Variants in SRFBP1 observed in about 807,000 individuals in gnomAD.
SRFBP1 encodes serum response factor binding protein 1, also known as serum response factor-binding protein 1.
Under a neutral mutation model 45.5 loss-of-function variants are expected in SRFBP1, and 47 were observed. The ratio of observed to expected loss-of-function variants is 1.03; its 90% CI spans 0.82 to 1.32. The LOEUF (loss-of-function observed/expected upper bound fraction) is 1.32. SRFBP1 is among the 40% of genes most tolerant of loss of function. SRFBP1 has a pLI of 0.00. For synonymous variants in SRFBP1, 203 were observed against 166.3 expected (o/e 1.22, Z -1.70); for missense variants, 621 against 484.6 (o/e 1.28, Z -2.64).
At chr5:122,008,816 A>T (rs546906096) in intron 4 of SRFBP1, among the ~76,000 whole-genome samples, 1 of 152,182 alleles carries the variant, frequency 6.6e-6, no homozygotes, top group African/African-American at 2.4e-5. Context: ...TTACTTGGTT[A>T]TGGAATATGG....
intron 7 of SRFBP1, among the ~76,000 whole-genome samples, chr5:122,026,055 T>A (rs113075218): frequency 0.25 from 38,718 of 152,028 alleles, 6,174 homozygotes; most frequent in African/African-American, 0.46. Context: ...ACGCCACTGC[T>A]CTCCATCCTG....
intron 1 of SRFBP1, among the ~76,000 whole-genome samples, chr5:121,963,264 G>A (rs763771057): frequency 1.3e-5 from 2 of 152,208 alleles, no homozygotes; most frequent in African/African-American, 2.4e-5. Context: ...CCAGATTAAC[G>A]AGTCAGGATT....
intron 1 of SRFBP1, among the ~76,000 whole-genome samples, chr5:121,973,706 A>G (rs915172451): frequency 6.6e-6 from 1 of 151,778 alleles, no homozygotes; most frequent in African/African-American, 2.4e-5. Flanking sequence ...ACTTGAAATA[A>G]TTTGTTACTA....
At chr5:122,021,903 C>T (rs114753004) in intron 6 of SRFBP1, among the ~76,000 whole-genome samples, 17,768 of 151,030 alleles carry the variant, frequency 0.12, 1,133 homozygotes, top group Non-Finnish European at 0.14. Flanking sequence ...ACCATATTGG[C>T]CCGGTTAGTG....
chr5:122,002,719 A>T (rs557180475), intron 4 of SRFBP1, among the ~76,000 whole-genome samples: 1 of 152,316 alleles, frequency 6.6e-6, no homozygotes, highest in South Asian at 2.1e-4. Flanking sequence ...ATTGAGAATT[A>T]TGTGAGAAAT....
intron 2 of SRFBP1, among the ~76,000 whole-genome samples, chr5:122,043,763 G>T (rs138823621): frequency 1.5e-4 from 23 of 152,228 alleles, no homozygotes; most frequent in African/African-American, 5.5e-4. Context: ...GACTTTGCAG[G>T]CCATAAGGTC....
At chr5:121,986,211 A>G (rs1260359066) in intron 3 of SRFBP1, among the ~76,000 whole-genome samples, 3 of 151,990 alleles carry the variant, frequency 2.0e-5, no homozygotes, top group African/African-American at 7.2e-5. Context: ...GAAGAAAGGA[A>G]GAATTAACTT....
intron 4 of SRFBP1, among the ~76,000 whole-genome samples, chr5:122,008,736 C>T (rs1446323498): frequency 6.6e-6 from 1 of 152,026 alleles, no homozygotes; most frequent in Non-Finnish European, 1.5e-5. Flanking sequence ...CCTGTTCTGC[C>T]ATCTTGCTGA....
chr5:122,077,754 C>T (rs1442708152), downstream of SRFBP1: 16 of 1,559,012 alleles, frequency 1.0e-5, no homozygotes, highest in Non-Finnish European at 1.4e-5. This position sits in a 1 kb window ranked among gnomAD's most constrained non-coding sequence, Gnocchi z 4.9. Context: ...TTGGCTGCAC[C>T]AGGGACGGCG....
chr5:122,067,879 C>A (rs1053590497), intron 2 of SRFBP1, among the ~76,000 whole-genome samples: 3 of 151,994 alleles, frequency 2.0e-5, no homozygotes, highest in Non-Finnish European at 4.4e-5. Flanking sequence ...ATCCTAAAGT[C>A]ACTCCTGAAA....
intron 2 of SRFBP1, chr5:122,063,610 T>C (rs1754223237): frequency 6.6e-6 from 1 of 151,894 alleles, no homozygotes; most frequent in Admixed American, 6.6e-5. Context: ...TGATTGAATA[T>C]GTTGATTGTG....
At chr5:121,985,986 G>T (rs183435236) in intron 3 of SRFBP1, among the ~76,000 whole-genome samples, 44 of 151,866 alleles carry the variant, frequency 2.9e-4, no homozygotes, top group Admixed American at 2.3e-3. Context: ...GCTACAGATG[G>T]AGATTTTGGG....
chr5:122,030,286 T>C (rs888160501), downstream of SRFBP1, among the ~76,000 whole-genome samples: 2 of 152,352 alleles, frequency 1.3e-5, no homozygotes, highest in Admixed American at 6.5e-5. Context: ...ATCTTGAATC[T>C]AAATCTTGAT....
intron 2 of SRFBP1, among the ~76,000 whole-genome samples, chr5:122,061,887 A>G (rs1754176436): frequency 6.6e-6 from 1 of 151,986 alleles, no homozygotes; most frequent in African/African-American, 2.4e-5. Flanking sequence ...CTTATGTCCT[A>G]TAGCTCAAAT....
intron 3 of SRFBP1, among the ~76,000 whole-genome samples, chr5:121,993,386 T>TA: frequency 6.6e-6 from 1 of 152,320 alleles, no homozygotes; most frequent in East Asian, 1.9e-4. Flanking sequence ...TGGTCTTGTT[T>TA]AAATTGTCCT....
chr5:122,054,378 C>A (rs577633632), intron 2 of SRFBP1, among the ~76,000 whole-genome samples: 1 of 152,330 alleles, frequency 6.6e-6, no homozygotes, highest in African/African-American at 2.4e-5. Context: ...TGGTGCCCAG[C>A]TTCGCTCTTC....
chr5:121,988,403 A>G (rs1482916263), intron 3 of SRFBP1, among the ~76,000 whole-genome samples: 2 of 152,134 alleles, frequency 1.3e-5, no homozygotes, highest in Admixed American at 6.6e-5. Context: ...TACTCACAAA[A>G]AGTTTATTAC....
At chr5:122,006,227 G>T (rs1281630237) in intron 4 of SRFBP1, among the ~76,000 whole-genome samples, 4 of 151,812 alleles carry the variant, frequency 2.6e-5, no homozygotes, top group African/African-American at 9.7e-5. Flanking sequence ...CTCTTTCCTG[G>T]CTTATAAGGT....
chr5:122,069,260 G>A (rs1021365894), intron 2 of SRFBP1, among the ~76,000 whole-genome samples: 1 of 152,122 alleles, frequency 6.6e-6, no homozygotes, highest in Non-Finnish European at 1.5e-5. Context: ...AAGCAAAGCT[G>A]ATGAGTGTTG....
Sources: allele counts gnomAD v4.1 joint callset (sites outside exome capture counted in the v4.1 genomes callset), GRCh38; gene constraint gnomAD v4.1.1; non-coding constraint Gnocchi (gnomAD v3.1); transcripts MANE v1.5; gene names NCBI Gene and HGNC (gene_info 2026-07-23, HGNC 2026-07-21).